DGKB: variants seen among roughly 807,000 people sequenced by gnomAD.
DGKB encodes the protein 90 kDa diacylglycerol kinase.
DGKB carries 67 observed loss-of-function variants against 114.3 expected under a neutral mutation model. That is an observed-to-expected ratio of 0.59 (90% CI 0.48 to 0.72). The LOEUF (loss-of-function observed/expected upper bound fraction) is 0.72. Ranked by LOEUF, DGKB falls within the 30% of genes least tolerant of loss-of-function variation. DGKB has a pLI of 0.00. For synonymous variants in DGKB, 398 were observed against 323.1 expected (o/e 1.23, Z -2.49); for missense variants, 907 against 975.2 (o/e 0.93, Z 0.93).
chr7:14,640,038 C>T (rs150028995), intron 13 of DGKB, among the ~76,000 whole-genome samples: 1 of 152,268 alleles, frequency 6.6e-6, no homozygotes, highest in Non-Finnish European at 1.5e-5. Context: ...CATGCAAATA[C>T]AGGAAATAGA....
intron 13 of DGKB, among the ~76,000 whole-genome samples, chr7:14,637,221 A>C (rs1810913612): frequency 6.6e-6 from 1 of 152,000 alleles, no homozygotes; most frequent in African/African-American, 2.4e-5. Context: ...TAAAAATTTC[A>C]GAGCTGCATG....
At chr7:14,624,328 T>G (rs1808191463) in intron 14 of DGKB, among the ~76,000 whole-genome samples, 1 of 152,180 alleles carries the variant, frequency 6.6e-6, no homozygotes, top group African/African-American at 2.4e-5. Context: ...AGATATACCT[T>G]AATACAGTTA....
intron 21 of DGKB, among the ~76,000 whole-genome samples, chr7:14,425,978 A>G (rs2128775127): frequency 6.6e-6 from 1 of 152,286 alleles, no homozygotes; most frequent in Non-Finnish European, 1.5e-5. Flanking sequence ...AGAAAATGCC[A>G]CAAGTATTTA....
At chr7:14,865,897 T>C (rs1245887135) in intron 1 of DGKB, among the ~76,000 whole-genome samples, 1 of 152,062 alleles carries the variant, frequency 6.6e-6, no homozygotes, top group African/African-American at 2.4e-5. Flanking sequence ...TGAGAAAAAG[T>C]AAAACCTAAA....
chr7:14,294,545 G>A (rs891467892), intron 23 of DGKB, among the ~76,000 whole-genome samples: 2 of 152,112 alleles, frequency 1.3e-5, no homozygotes, highest in African/African-American at 2.4e-5. Flanking sequence ...AACAGTATAA[G>A]GTGAGAGAAA....
intron 20 of DGKB, among the ~76,000 whole-genome samples, chr7:14,488,968 G>A (rs1056460446): frequency 1.3e-5 from 2 of 152,060 alleles, no homozygotes; most frequent in Non-Finnish European, 2.9e-5. Flanking sequence ...CATACAATCA[G>A]CAACTGAATT....
intron 18 of DGKB, among the ~76,000 whole-genome samples, chr7:14,582,301 G>T (rs1285461780): frequency 1.3e-5 from 2 of 152,080 alleles, no homozygotes; most frequent in African/African-American, 2.4e-5. Flanking sequence ...GACTAGATCT[G>T]AAAAAGCAAA....
chr7:14,858,062 A>G (rs1293612337), intron 1 of DGKB, among the ~76,000 whole-genome samples: 1 of 152,104 alleles, frequency 6.6e-6, no homozygotes, highest in Non-Finnish European at 1.5e-5. Context: ...ATATAACAGC[A>G]TTTTTCATTG....
intron 16 of DGKB, among the ~76,000 whole-genome samples, chr7:14,608,205 A>G (rs1804876938): frequency 6.6e-6 from 1 of 151,998 alleles, no homozygotes; most frequent in South Asian, 2.1e-4. Flanking sequence ...CTAAAAGTAA[A>G]GAGATAAATA....
At chr7:14,861,905 A>C (rs563493893) in intron 1 of DGKB, among the ~76,000 whole-genome samples, 12 of 152,094 alleles carry the variant, frequency 7.9e-5, no homozygotes, top group African/African-American at 2.9e-4. Context: ...GTTCTTATGG[A>C]AATGCTGTTA....
intron 1 of DGKB, among the ~76,000 whole-genome samples, chr7:14,900,720 A>G (rs938855739): frequency 1.3e-5 from 2 of 152,178 alleles, no homozygotes; most frequent in African/African-American, 2.4e-5. Context: ...CTTCCCAGTC[A>G]TAACTTGAGC....
At chr7:14,950,379 C>A (rs904052077) in intron 1 of DGKB, among the ~76,000 whole-genome samples, 1 of 151,676 alleles carries the variant, frequency 6.6e-6, no homozygotes, top group South Asian at 2.1e-4. Context: ...TAAAGCTTCA[C>A]CAGCCAGAAG....
rs1797475219 is a variant in DGKB, at chr7:14,266,066, A to G, written c.2122+72449T>C. On this transcript the variant is annotated intron_variant, in intron 23 of 25. Transcript: ENST00000402815. ...GCATGTTAGTGCTACATAAAAGGCAACCTTTTCTGTGGCGGCCTGTTCCCT... is the reference window on the plus strand; with the variant it reads ...GCATGTTAGTGCTACATAAAAGGCAGCCTTTTCTGTGGCGGCCTGTTCCCT... 2.0e-5 allele frequency among the ~76,000 whole-genome samples: 3 copies of G among 152,120 alleles called. No individual in the cohort carries two copies. In the South Asian group the frequency reaches 6.2e-4, roughly 32 times the overall value.
At chr7:14,474,438 A>G (rs1781866621) in intron 21 of DGKB, among the ~76,000 whole-genome samples, 1 of 152,220 alleles carries the variant, frequency 6.6e-6, no homozygotes, top group African/African-American at 2.4e-5. Flanking sequence ...CTTTATCAGC[A>G]GCGTGAAAAC....
intron 23 of DGKB, among the ~76,000 whole-genome samples, chr7:14,224,034 T>C (rs1035247737): frequency 6.6e-6 from 1 of 151,786 alleles, no homozygotes; most frequent in Non-Finnish European, 1.5e-5. Flanking sequence ...TTTATCCTAT[T>C]TGGAGTTTGT....
chr7:14,551,876 T>C (rs1366184751), intron 20 of DGKB, among the ~76,000 whole-genome samples: 1 of 152,164 alleles, frequency 6.6e-6, no homozygotes, highest in Non-Finnish European at 1.5e-5. Context: ...GTTACTGCAA[T>C]CTGTCTCACA....
At chr7:14,914,753 A>C (rs1587371555) in intron 1 of DGKB, among the ~76,000 whole-genome samples, 1 of 152,252 alleles carries the variant, frequency 6.6e-6, no homozygotes, top group East Asian at 1.9e-4. Flanking sequence ...GATCTAACGG[A>C]AAAAGTAGAC....
intron 23 of DGKB, among the ~76,000 whole-genome samples, chr7:14,240,157 G>C (rs1022122040): frequency 6.6e-6 from 1 of 151,930 alleles, no homozygotes; most frequent in African/African-American, 2.4e-5. Flanking sequence ...CCAATAAGCA[G>C]AAAACTTTTC....
intron 23 of DGKB, among the ~76,000 whole-genome samples, chr7:14,213,809 C>T (rs1028983877): frequency 6.6e-6 from 1 of 152,270 alleles, no homozygotes; most frequent in Non-Finnish European, 1.5e-5. Context: ...ACAGTTTACC[C>T]TCTCATCATA....
Sources: allele counts gnomAD v4.1 joint callset (sites outside exome capture counted in the v4.1 genomes callset), GRCh38; gene constraint gnomAD v4.1.1; transcripts MANE v1.5; gene names NCBI Gene and HGNC (gene_info 2026-07-23, HGNC 2026-07-21).